Variants in KIAA1217 observed in about 807,000 individuals in gnomAD.
The protein encoded by KIAA1217 is KIAA1217.
Under a neutral mutation model 163.9 loss-of-function variants are expected in KIAA1217, and 88 were observed. The ratio of observed to expected loss-of-function variants is 0.54; its 90% CI spans 0.45 to 0.64. The LOEUF (loss-of-function observed/expected upper bound fraction) is 0.64. Ranked by LOEUF, KIAA1217 falls within the 30% of genes least tolerant of loss-of-function variation. The probability of loss-of-function intolerance (pLI) is 0.00; values close to 1 mark genes in which losing one functional copy is unlikely to be tolerated. For synonymous variants in KIAA1217, 903 were observed against 923.1 expected (o/e 0.98, Z 0.39); for missense variants, 2,372 against 2,475.0 (o/e 0.96, Z 0.88).
chr10:24,228,414 G>T (rs1053144632), intron 2 of KIAA1217, among the ~76,000 whole-genome samples: 5 of 151,950 alleles, frequency 3.3e-5, no homozygotes, highest in African/African-American at 1.2e-4. Context: ...CAACCTAATA[G>T]GTTATGCTAC....
intron 3 of KIAA1217, among the ~76,000 whole-genome samples, chr10:24,388,152 C>G (rs2054285484): frequency 6.6e-6 from 1 of 152,180 alleles, no homozygotes; most frequent in Non-Finnish European, 1.5e-5. Context: ...TGACTTCAAA[C>G]TATACTACAA....
At chr10:23,930,002 A>G (rs532820701) in intron 1 of KIAA1217, among the ~76,000 whole-genome samples, 1 of 152,280 alleles carries the variant, frequency 6.6e-6, no homozygotes, top group East Asian at 1.9e-4. Flanking sequence ...TAATCCCACT[A>G]ATAGTGTATA....
At chr10:24,451,958 A>G (rs1206462960) in intron 5 of KIAA1217, among the ~76,000 whole-genome samples, 1 of 152,144 alleles carries the variant, frequency 6.6e-6, no homozygotes, top group African/African-American at 2.4e-5. Flanking sequence ...ACATCAGCCT[A>G]GGCGCCCCGA....
intron 16 of KIAA1217, among the ~76,000 whole-genome samples, chr10:24,534,769 T>C (rs2073720793): frequency 6.6e-6 from 1 of 150,730 alleles, no homozygotes; most frequent in Non-Finnish European, 1.5e-5. Context: ...TAATCCCAGC[T>C]ACTCGGGAGG....
intron 2 of KIAA1217, among the ~76,000 whole-genome samples, chr10:24,346,239 G>A (rs1481316943): frequency 6.6e-6 from 1 of 152,122 alleles, no homozygotes; most frequent in Non-Finnish European, 1.5e-5. Context: ...CGAGGTGTGG[G>A]CGGATCACCA....
At chr10:24,464,770 C>T (rs927826617) in intron 5 of KIAA1217, among the ~76,000 whole-genome samples, 2 of 152,194 alleles carry the variant, frequency 1.3e-5, no homozygotes, top group African/African-American at 4.8e-5. Context: ...CAGGCGTGAG[C>T]CACATAGCAC....
chr10:24,217,454 A>G (rs1402053959), intron 1 of KIAA1217, among the ~76,000 whole-genome samples: 5 of 152,222 alleles, frequency 3.3e-5, no homozygotes, highest in Non-Finnish European at 7.3e-5. Context: ...AGATGCTATA[A>G]TTAGCAATGT....
At chr10:24,184,507 G>A (rs1564801401) in intron 2 of KIAA1217, among the ~76,000 whole-genome samples, 1 of 152,184 alleles carries the variant, frequency 6.6e-6, no homozygotes, top group Admixed American at 6.5e-5. Context: ...CATTTGTGCA[G>A]CACCTTCAGA....
At chr10:24,094,592 G>T (rs578151752) in intron 2 of KIAA1217, among the ~76,000 whole-genome samples, 1 of 152,198 alleles carries the variant, frequency 6.6e-6, no homozygotes, top group Non-Finnish European at 1.5e-5. Flanking sequence ...TCCTCTGGAA[G>T]TTTTGTCTCA....
At chr10:23,890,145 G>A (rs568231119) in intron 1 of KIAA1217, among the ~76,000 whole-genome samples, 3 of 151,716 alleles carry the variant, frequency 2.0e-5, no homozygotes, top group Non-Finnish European at 4.4e-5. Context: ...TTCTATTTCC[G>A]TAATTAGTCT....
chr10:24,037,159 G>A (rs1036360665), intron 2 of KIAA1217, among the ~76,000 whole-genome samples: 1 of 151,954 alleles, frequency 6.6e-6, no homozygotes, highest in East Asian at 1.9e-4. Context: ...AGCCTAGAAG[G>A]GACCACACAT....
chr10:24,361,338 C>G (rs2049972255), intron 2 of KIAA1217, among the ~76,000 whole-genome samples: 2 of 152,068 alleles, frequency 1.3e-5, no homozygotes, highest in Admixed American at 1.3e-4. Flanking sequence ...CAGGCAGACG[C>G]CACCATGCCT....
intron 2 of KIAA1217, among the ~76,000 whole-genome samples, chr10:24,097,723 A>T (rs1176063640): frequency 6.6e-6 from 1 of 152,242 alleles, no homozygotes; most frequent in Admixed American, 6.5e-5. Context: ...GTGGCCTAAA[A>T]AACAGAAGTC....
intron 2 of KIAA1217, among the ~76,000 whole-genome samples, chr10:24,126,700 C>T (rs1057133545): frequency 6.6e-6 from 1 of 152,058 alleles, no homozygotes. Context: ...TCCTGAACCA[C>T]CCACATAGCC....
At chr10:24,010,425 T>G (rs12146261) in intron 2 of KIAA1217, among the ~76,000 whole-genome samples, 32,766 of 151,902 alleles carry the variant, frequency 0.22, 4,425 homozygotes, top group Middle Eastern at 0.41. Context: ...CCTGCTGTTT[T>G]AAAATAAAAA....
At chr10:23,961,586 T>C (rs1270166008) in intron 1 of KIAA1217, among the ~76,000 whole-genome samples, 1 of 152,194 alleles carries the variant, frequency 6.6e-6, no homozygotes, top group East Asian at 1.9e-4. Flanking sequence ...TTATAAACTA[T>C]CTTTAAAATA....
intron 1 of KIAA1217, among the ~76,000 whole-genome samples, chr10:24,001,587 T>C (rs1330236713): frequency 6.6e-6 from 1 of 152,240 alleles, no homozygotes; most frequent in Non-Finnish European, 1.5e-5. Flanking sequence ...TGTATTTTTA[T>C]TACCATCATT....
chr10:24,049,560 T>C (rs937489726), intron 2 of KIAA1217, among the ~76,000 whole-genome samples: 1 of 152,198 alleles, frequency 6.6e-6, no homozygotes, highest in Non-Finnish European at 1.5e-5. Context: ...ATGTGGTGTT[T>C]GGTTTTCGGT....
chr10:23,903,531 A>C (rs946305600), intron 1 of KIAA1217, among the ~76,000 whole-genome samples: 4 of 152,274 alleles, frequency 2.6e-5, no homozygotes, highest in African/African-American at 9.6e-5. Context: ...AAGATTGGAC[A>C]AAAAGGGGTA....
Sources: gnomAD v4.1 joint callset for allele counts (sites outside exome capture counted in the v4.1 genomes callset) on GRCh38, gnomAD v4.1.1 for gene constraint, MANE v1.5 for transcripts, NCBI Gene and HGNC (gene_info 2026-07-23, HGNC 2026-07-21) for gene names.